The following ESR1 variants were observed in gnomAD, a reference collection of about 807,000 sequenced individuals.
ESR1 encodes estrogen receptor.
ESR1 carries 12 observed loss-of-function variants against 52.7 expected under a neutral mutation model. That is an observed-to-expected ratio of 0.23 (90% CI 0.15 to 0.37). The LOEUF is 0.37. ESR1 is among the 10% of genes least tolerant of loss of function. The pLI, the probability that ESR1 is intolerant of heterozygous loss-of-function variation, is 1.00. For missense variants in ESR1, 584 were observed against 779.7 expected, an observed-to-expected ratio of 0.75 and a Z score of 2.99; for synonymous variants, 305 against 316.8, an observed-to-expected ratio of 0.96 and a Z score of 0.39.
At chr6:151,818,808 T>TACAC (rs3996304) in intron 1 of ESR1, among the ~76,000 whole-genome samples, 6 of 150,722 alleles carry the variant, frequency 4.0e-5, no homozygotes, top group African/African-American at 9.8e-5. Context: ...TACACATATA[T>TACAC]ACACACACAC....
chr6:151,724,145 C>CCT (rs1781670702), intron 2 of ESR1, among the ~76,000 whole-genome samples: 2 of 151,998 alleles, frequency 1.3e-5, no homozygotes, highest in African/African-American at 4.8e-5. Context: ...GCGACAGATG[C>CCT]CTCTAAAGGC....
At chr6:151,909,804 C>A (rs1294109585) in intron 3 of ESR1, among the ~76,000 whole-genome samples, 1 of 152,012 alleles carries the variant, frequency 6.6e-6, no homozygotes, top group African/African-American at 2.4e-5. Context: ...TCTGCCCAGG[C>A]CTTGGGTGTG....
At chr6:151,946,598 A>G (rs2035732170) in intron 4 of ESR1, among the ~76,000 whole-genome samples, 1 of 152,216 alleles carries the variant, frequency 6.6e-6, no homozygotes, top group African/African-American at 2.4e-5. Context: ...ATGTTCGTTT[A>G]AAAGACCTGA....
intron 4 of ESR1, among the ~76,000 whole-genome samples, chr6:151,987,880 TAC>T (rs1271009076): frequency 6.6e-6 from 1 of 152,162 alleles, no homozygotes; most frequent in Non-Finnish European, 1.5e-5. Context: ...TTGTTACTTG[TAC>T]TTTATATATA....
intron 2 of ESR1, among the ~76,000 whole-genome samples, chr6:151,772,826 T>A (rs1427662035): frequency 6.6e-6 from 1 of 152,226 alleles, no homozygotes; most frequent in East Asian, 1.9e-4. Context: ...GGTTGTAAAA[T>A]GGACAAATTG....
intron 3 of ESR1, among the ~76,000 whole-genome samples, chr6:151,899,790 C>A (rs1796372047): frequency 1.3e-5 from 2 of 150,922 alleles, no homozygotes; most frequent in African/African-American, 4.9e-5. Flanking sequence ...CCCCACATCT[C>A]AGACGATGGG....
chr6:152,035,929 T>C (rs1301391384), intron 5 of ESR1, among the ~76,000 whole-genome samples: 1 of 152,192 alleles, frequency 6.6e-6, no homozygotes, highest in Non-Finnish European at 1.5e-5. Context: ...TAGGACTTAA[T>C]GGAGAGCCAA....
At chr6:151,751,537 C>A (rs912757667) in intron 2 of ESR1, among the ~76,000 whole-genome samples, 1 of 152,092 alleles carries the variant, frequency 6.6e-6, no homozygotes, top group Non-Finnish European at 1.5e-5. Flanking sequence ...TTTATGAAAT[C>A]ACTGTTGATA....
At chr6:151,864,809 A>T (rs1789557280) in intron 2 of ESR1, among the ~76,000 whole-genome samples, 2 of 152,114 alleles carry the variant, frequency 1.3e-5, no homozygotes, top group Non-Finnish European at 2.9e-5. Context: ...GAAGCTGGAA[A>T]CCATCATTCT....
intron 2 of ESR1, among the ~76,000 whole-genome samples, chr6:151,795,014 A>G (rs1776553187): frequency 6.6e-6 from 1 of 152,148 alleles, no homozygotes; most frequent in Admixed American, 6.5e-5. Context: ...GGAATTGTCA[A>G]CTATGGTCAA....
At chr6:151,740,574 T>C (rs1046503109) in intron 2 of ESR1, among the ~76,000 whole-genome samples, 1 of 152,122 alleles carries the variant, frequency 6.6e-6, no homozygotes, top group African/African-American at 2.4e-5. Flanking sequence ...GCTTTTCTTT[T>C]GTTCTCTGGG....
At chr6:152,081,737 A>G (rs879155892) in intron 6 of ESR1, among the ~76,000 whole-genome samples, 1 of 152,102 alleles carries the variant, frequency 6.6e-6, no homozygotes, top group East Asian at 1.9e-4. Flanking sequence ...AGCAAGACTA[A>G]TAAAGAAGAA....
At chr6:151,798,746 G>A (rs1456870047) in intron 2 of ESR1, among the ~76,000 whole-genome samples, 6 of 152,156 alleles carry the variant, frequency 3.9e-5, no homozygotes, top group African/African-American at 1.4e-4. Flanking sequence ...TGTTATTGTT[G>A]AAGGTATTAT....
upstream of ESR1, among the ~76,000 whole-genome samples, chr6:151,800,558 C>T (rs1293850776): frequency 6.6e-6 from 1 of 152,030 alleles, no homozygotes; most frequent in Non-Finnish European, 1.5e-5. Context: ...AGGACTGTGG[C>T]CTTATAAAAA....
intron 6 of ESR1, among the ~76,000 whole-genome samples, chr6:152,109,299 T>G (rs2051103194): frequency 6.6e-6 from 1 of 152,190 alleles, no homozygotes; most frequent in Non-Finnish European, 1.5e-5. Context: ...AAGTAAATTT[T>G]CATAGTTTTC....
At chr6:151,754,593 C>T (rs2128084401) in intron 2 of ESR1, among the ~76,000 whole-genome samples, 1 of 152,308 alleles carries the variant, frequency 6.6e-6, no homozygotes, top group East Asian at 1.9e-4. Context: ...CATTTAGCCA[C>T]ATTTCACCTA....
intron 3 of ESR1, among the ~76,000 whole-genome samples, chr6:151,936,811 G>A (rs2034419579): frequency 1.3e-5 from 2 of 152,160 alleles, no homozygotes; most frequent in Non-Finnish European, 2.9e-5. Context: ...CAGCAAGTGG[G>A]GAGGAACCTA....
At chr6:151,657,443 A>C (rs1777493876) in intron 1 of ESR1, among the ~76,000 whole-genome samples, 1 of 152,126 alleles carries the variant, frequency 6.6e-6, no homozygotes, top group South Asian at 2.1e-4. Context: ...ACTTTGCATA[A>C]TTTTCTAAGG....
intron 4 of ESR1, among the ~76,000 whole-genome samples, chr6:151,944,987 G>A (rs1327208363): frequency 6.6e-6 from 1 of 152,160 alleles, no homozygotes; most frequent in Admixed American, 6.5e-5. Context: ...GGGCTGAGGT[G>A]GGAGGATTGC....
Sources: allele counts gnomAD v4.1 joint callset (sites outside exome capture counted in the v4.1 genomes callset), GRCh38; gene constraint gnomAD v4.1.1; transcripts MANE v1.5; gene names NCBI Gene and HGNC (gene_info 2026-07-23, HGNC 2026-07-21).